Variants in DNAI4 observed in about 807,000 individuals in gnomAD.
The protein encoded by DNAI4 is WD repeat domain 78.
DNAI4 carries 85 observed loss-of-function variants against 105.8 expected under a neutral mutation model. The observed-to-expected ratio is 0.80, with a 90% CI of 0.67 to 0.96. DNAI4 has a LOEUF of 0.96. Ranked by LOEUF, DNAI4 falls within the 40% of genes least tolerant of loss-of-function variation. DNAI4 has a pLI of 0.00. For missense variants in DNAI4, 1,014 were observed against 1,005.6 expected (o/e 1.01, Z -0.11); for synonymous variants, 352 against 331.5 (o/e 1.06, Z -0.67).
At chr1:66,912,533 C>T (rs1235679662) in intron 1 of DNAI4, among the ~76,000 whole-genome samples, 1 of 151,972 alleles carries the variant, frequency 6.6e-6, no homozygotes, top group African/African-American at 2.4e-5. Context: ...GACCTGGAAG[C>T]CTTCTCTCTG....
chr1:66,896,377 A>G (rs1475875097), intron 2 of DNAI4, among the ~76,000 whole-genome samples: 1 of 152,216 alleles, frequency 6.6e-6, no homozygotes, highest in African/African-American at 2.4e-5. Context: ...AATAGCTTTT[A>G]ATATGTTCAC....
At chr1:66,898,752 A>T (rs1450282170) in intron 2 of DNAI4, among the ~76,000 whole-genome samples, 1 of 152,228 alleles carries the variant, frequency 6.6e-6, no homozygotes, top group East Asian at 1.9e-4. Flanking sequence ...ATACAATAAC[A>T]ACAGAAAACA....
intron 1 of DNAI4, among the ~76,000 whole-genome samples, chr1:66,917,382 T>A (rs1417314654): frequency 6.6e-6 from 1 of 152,218 alleles, no homozygotes; most frequent in Non-Finnish European, 1.5e-5. Context: ...TAGGTGGTTC[T>A]ATAATCAACT....
Position 66,827,838 on chromosome 1 carries a change from A to G in DNAI4, c.2086T>C (p.Tyr696His), listed in dbSNP as rs377616110. 3.8e-6 allele frequency: 6 copies of G among 1,598,228 alleles called. No homozygotes were observed. The highest frequency in any genetic ancestry group is 5.1e-6 in the Non-Finnish European group (6 of 1,170,714). The change falls in exon 14 of 17, where the codon TAC becomes CAC. Residue 696 changes from tyrosine to histidine, a missense_variant. Physicochemically the swap from Tyr to His is moderately conservative, Grantham distance 83. Coordinates refer to ENST00000371026, the MANE Select transcript of DNAI4 (RefSeq NM_024763.5). Reference protein sequence around the residue: ...HKCSCSYNEQYLDTYRGHKGP... With the variant: ...HKCSCSYNEQHLDTYRGHKGP... ...TTATGTCCTCTGTAGGTATCTAAGTATTGTTCATTATATGAACAAGAACAT... is the reference window on the plus strand; with the variant it reads ...TTATGTCCTCTGTAGGTATCTAAGTGTTGTTCATTATATGAACAAGAACAT...
chr1:66,891,335 A>G, intron 3 of DNAI4, 69 bp from the exon 4 acceptor site: 1 of 1,041,738 alleles, frequency 9.6e-7, no homozygotes, highest in Non-Finnish European at 1.5e-6. Context: ...TATACAAATT[A>G]GAACATATTA....
rs779381517 is a variant in DNAI4, at chr1:66,837,772, G to T, written c.1519C>A (p.His507Asn). The T allele has an allele frequency of 3.7e-6, 6 of 1,606,474 alleles. No homozygotes were observed. The highest frequency in any genetic ancestry group is 5.1e-6 in the Non-Finnish European group (6 of 1,177,888). The stretch of plus-strand genomic sequence containing the variant: ...CTTTTTTGCTCTTTAAATCCAAAGT[G>T]CCCATAGCCAACAGCCAAAAGATCC... The part of the protein sequence containing the change: ...NPDLLAVGYG[H>N]FGFKEQKRGL... The change falls in exon 10 of 17, where the codon CAC (histidine) becomes AAC (asparagine). Residue 507 changes from histidine to asparagine, a missense_variant. Physicochemically the swap from His to Asn is moderately conservative, Grantham distance 68. Coordinates refer to ENST00000371026, the MANE Select transcript of DNAI4 (RefSeq NM_024763.5).
At chr1:66,912,158 T>C (rs1191234125) in intron 1 of DNAI4, among the ~76,000 whole-genome samples, 1 of 152,188 alleles carries the variant, frequency 6.6e-6, no homozygotes, top group Middle Eastern at 3.2e-3. Flanking sequence ...CATTTTCTGA[T>C]TGCCTCCTTT....
intron 2 of DNAI4, among the ~76,000 whole-genome samples, chr1:66,900,926 T>C (rs1380553426): frequency 6.6e-6 from 1 of 152,212 alleles, no homozygotes; most frequent in Non-Finnish European, 1.5e-5. Flanking sequence ...ACCTCCATGA[T>C]AATGTTGAAT....
At chr1:66,834,377 G>T (rs990621058) in intron 11 of DNAI4, among the ~76,000 whole-genome samples, 12 of 151,948 alleles carry the variant, frequency 7.9e-5, no homozygotes, top group Admixed American at 4.6e-4. Flanking sequence ...AAGAAAAATT[G>T]TACTGGTCTT....
intron 7 of DNAI4, among the ~76,000 whole-genome samples, chr1:66,854,827 A>T (rs1172782308): frequency 2.0e-5 from 3 of 152,346 alleles, no homozygotes; most frequent in South Asian, 2.1e-4. Flanking sequence ...AAATAAAAAT[A>T]AAAATTAAAA....
intron 6 of DNAI4, among the ~76,000 whole-genome samples, chr1:66,865,840 A>T (rs1243976589): frequency 6.6e-6 from 1 of 152,238 alleles, no homozygotes; most frequent in African/African-American, 2.4e-5. Flanking sequence ...TAATGTATAG[A>T]GAGAGGCCAG....
intron 1 of DNAI4, among the ~76,000 whole-genome samples, chr1:66,908,610 CCTAT>C (rs1165410553): frequency 5.9e-5 from 9 of 152,146 alleles, no homozygotes; most frequent in Admixed American, 5.2e-4. Context: ...GCAATGACTT[CCTAT>C]CTATTAGACT....
intron 4 of DNAI4, among the ~76,000 whole-genome samples, chr1:66,883,230 C>G (rs534625271): frequency 8.4e-6 from 1 of 119,516 alleles, no homozygotes; most frequent in Non-Finnish European, 1.6e-5. Flanking sequence ...TCTATATAGA[C>G]AATGATGTCA....
At chr1:66,837,189 C>G (rs2100451739) in intron 10 of DNAI4, among the ~76,000 whole-genome samples, 1 of 152,088 alleles carries the variant, frequency 6.6e-6, no homozygotes, top group South Asian at 2.1e-4. Flanking sequence ...CATTGTGAAA[C>G]CCCGTCTCTA....
rs1240064090 is a variant in DNAI4 at position 66,816,515 on chromosome 1, GAA to G, written c.2497-2337_2497-2336del. 2.0e-5 allele frequency among the ~76,000 whole-genome samples: 3 copies of G among 152,098 alleles called. No homozygotes were observed. The East Asian group carries it at 5.8e-4, about 29-fold the overall frequency. ...CTATAATTCTCCATAAGCGAAGAAA[GAA>G]AAGGTATATCATTAACATTTGGCTG... On this transcript the variant is annotated intron_variant, in intron 16 of 16. Transcript: ENST00000371026.
At chr1:66,827,490 A>T (rs1207384800) in intron 14 of DNAI4, among the ~76,000 whole-genome samples, 2 of 151,756 alleles carry the variant, frequency 1.3e-5, no homozygotes, top group African/African-American at 4.8e-5. Context: ...CCCATCTCTT[A>T]AAAAAAACAT....
intron 1 of DNAI4, among the ~76,000 whole-genome samples, chr1:66,923,150 CTACAG>C (rs1327488043): frequency 6.6e-6 from 1 of 152,174 alleles, no homozygotes; most frequent in African/African-American, 2.4e-5. Context: ...TTACAATTGC[CTACAG>C]TATTCAGTAC....
chr1:66,873,907 G>A (rs1254443706), intron 5 of DNAI4, among the ~76,000 whole-genome samples: 1 of 116,802 alleles, frequency 8.6e-6, no homozygotes, highest in South Asian at 2.5e-4. Flanking sequence ...CTTCTTATGA[G>A]CTTTTAAAGG....
chr1:66,919,491 G>C (rs1473377615), intron 1 of DNAI4, among the ~76,000 whole-genome samples: 2 of 152,150 alleles, frequency 1.3e-5, no homozygotes, highest in Non-Finnish European at 2.9e-5. Context: ...AAGACAACTA[G>C]CTAACTACTG....
Sources: allele counts gnomAD v4.1 joint callset (sites outside exome capture counted in the v4.1 genomes callset), GRCh38; gene constraint gnomAD v4.1.1; transcripts MANE v1.5; gene names NCBI Gene and HGNC (gene_info 2026-07-23, HGNC 2026-07-21).